Variants in RHOJ observed in about 807,000 individuals in gnomAD.
RHOJ encodes the protein ras homolog family member J, also known as rho-related GTP-binding protein RhoJ.
In RHOJ, 11 loss-of-function variants were observed where a neutral mutation model predicts 23.4. That is an observed-to-expected ratio of 0.47 (90% confidence interval 0.30 to 0.78). The LOEUF (loss-of-function observed/expected upper bound fraction) is 0.78, where lower values mean the gene tolerates loss of function less well. Ranked by LOEUF, RHOJ falls within the 30% of genes least tolerant of loss-of-function variation. RHOJ has a pLI of 0.08. For synonymous variants in RHOJ, 102 were observed against 102.7 expected (o/e 0.99, Z 0.04); for missense variants, 254 against 273.4 (o/e 0.93, Z 0.50).
intron 1 of RHOJ, among the ~76,000 whole-genome samples, chr14:63,253,072 A>C (rs544416407): frequency 2.0e-5 from 3 of 152,194 alleles, no homozygotes; most frequent in Non-Finnish European, 4.4e-5. Context: ...TGTTTATATC[A>C]CTTGCCTATT....
At chr14:63,286,967 G>C (rs1180052550) in intron 4 of RHOJ, among the ~76,000 whole-genome samples, 2 of 151,914 alleles carry the variant, frequency 1.3e-5, no homozygotes, top group African/African-American at 4.8e-5. Context: ...CTCTCTATTT[G>C]CCTTCTCTGT....
At chr14:63,220,382 C>T (rs1566606945) in intron 1 of RHOJ, among the ~76,000 whole-genome samples, 2 of 149,822 alleles carry the variant, frequency 1.3e-5, no homozygotes, top group Non-Finnish European at 3.0e-5. Context: ...AAAATCTGTA[C>T]AATAAACCCC....
At chr14:63,255,283 G>T (rs929618541) in intron 1 of RHOJ, among the ~76,000 whole-genome samples, 1 of 152,120 alleles carries the variant, frequency 6.6e-6, no homozygotes. Flanking sequence ...TAGTGATGGG[G>T]CAAGGATGAG....
At chr14:63,222,139 A>G (rs1281886277) in intron 1 of RHOJ, among the ~76,000 whole-genome samples, 2 of 151,844 alleles carry the variant, frequency 1.3e-5, no homozygotes, top group Admixed American at 1.3e-4. Flanking sequence ...CCATGTCCCT[A>G]CAAAGGACAT....
chr14:63,229,903 G>A (rs917608596), intron 1 of RHOJ, among the ~76,000 whole-genome samples: 4 of 152,134 alleles, frequency 2.6e-5, no homozygotes, highest in African/African-American at 9.7e-5. Flanking sequence ...CCACCATACC[G>A]TGTTGGCTCT....
At chr14:63,230,893 T>C (rs1260244763) in intron 1 of RHOJ, among the ~76,000 whole-genome samples, 1 of 139,370 alleles carries the variant, frequency 7.2e-6, no homozygotes, top group African/African-American at 2.9e-5. Flanking sequence ...CAGGCTGGAG[T>C]GCAGTGGTGT....
At chr14:63,206,871 C>T (rs1417813275) in intron 1 of RHOJ, among the ~76,000 whole-genome samples, 1 of 152,174 alleles carries the variant, frequency 6.6e-6, no homozygotes, top group Admixed American at 6.5e-5. Flanking sequence ...CAATACTTTG[C>T]ACATAGTAAG....
chr14:63,258,825 G>A (rs1460996926), intron 1 of RHOJ, among the ~76,000 whole-genome samples: 1 of 152,246 alleles, frequency 6.6e-6, no homozygotes, highest in Non-Finnish European at 1.5e-5. Flanking sequence ...TTTCAGGTGA[G>A]ATCAGAATGG....
chr14:63,224,760 C>T (rs1222757613), intron 1 of RHOJ, among the ~76,000 whole-genome samples: 2 of 151,980 alleles, frequency 1.3e-5, no homozygotes, highest in African/African-American at 4.8e-5. Flanking sequence ...TGTTTCTTTC[C>T]TGATTCCCCT....
intron 1 of RHOJ, among the ~76,000 whole-genome samples, chr14:63,223,017 C>T (rs1894526966): frequency 6.6e-6 from 1 of 152,202 alleles, no homozygotes; most frequent in Non-Finnish European, 1.5e-5. Flanking sequence ...TCTCAACTCA[C>T]CTATCATTGA....
chr14:63,291,015 A>G lies in RHOJ; in HGVS notation c.636A>G (p.Ser212=). The change falls in exon 5 of 5, where the codon TCA becomes TCG. Residue 212 remains serine, a synonymous_variant. Transcript: ENST00000316754. ...GTTCTGAGGGTCACAGCTGCTGTTCAATTATCTGAGGTTGTCTGGGACCTG... is the reference window on the plus strand; with the variant it reads ...GTTCTGAGGGTCACAGCTGCTGTTCGATTATCTGAGGTTGTCTGGGACCTG... The part of the protein sequence containing the change: ...KRCSEGHSCC[S]II 1.9e-6 allele frequency: 3 copies of G among 1,614,138 alleles called. No individual in the cohort carries two copies. Among genetic ancestry groups the G allele is most frequent in the Non-Finnish European group, 2.5e-6 (3 of 1,180,028 alleles).
intron 1 of RHOJ, among the ~76,000 whole-genome samples, chr14:63,221,026 G>A (rs1053471620): frequency 4.6e-5 from 7 of 152,010 alleles, no homozygotes; most frequent in Admixed American, 2.6e-4. Context: ...CTACAGAGAC[G>A]CCCTCTAAAA....
At chr14:63,271,079 T>A (rs1442907635) in intron 2 of RHOJ, among the ~76,000 whole-genome samples, 1 of 152,182 alleles carries the variant, frequency 6.6e-6, no homozygotes, top group Non-Finnish European at 1.5e-5. Context: ...ATCTTTAAAC[T>A]CCACATCAAA....
chr14:63,217,971 T>C (rs1218020976), intron 1 of RHOJ, among the ~76,000 whole-genome samples: 5 of 152,076 alleles, frequency 3.3e-5, no homozygotes, highest in African/African-American at 1.2e-4. Flanking sequence ...TCTTTTTCTT[T>C]TTTCCCCTTT....
At chr14:63,209,515 A>C (rs560974980) in intron 1 of RHOJ, among the ~76,000 whole-genome samples, 6 of 152,108 alleles carry the variant, frequency 3.9e-5, no homozygotes, top group Non-Finnish European at 5.9e-5. Context: ...GCTTCAATTG[A>C]CCACATTATT....
At chr14:63,255,429 T>C (rs1216448957) in intron 1 of RHOJ, among the ~76,000 whole-genome samples, 2 of 152,176 alleles carry the variant, frequency 1.3e-5, no homozygotes, top group Non-Finnish European at 2.9e-5. Context: ...GAGCCTTGTC[T>C]CTTGAAGTGG....
At chr14:63,209,756 C>T (rs192760054) in intron 1 of RHOJ, among the ~76,000 whole-genome samples, 16 of 152,104 alleles carry the variant, frequency 1.1e-4, no homozygotes, top group Non-Finnish European at 2.2e-4. Flanking sequence ...CCTTCCAACA[C>T]TTAGATAGTT....
chr14:63,249,493 G>A (rs566804742), intron 1 of RHOJ, among the ~76,000 whole-genome samples: 1 of 152,188 alleles, frequency 6.6e-6, no homozygotes, highest in African/African-American at 2.4e-5. Context: ...TGAAGTTCAG[G>A]GTCTCAGATA....
chr14:63,269,033 G>A, intron 1 of RHOJ, 77 bp from the exon 2 acceptor site: 4 of 1,011,540 alleles, frequency 4.0e-6, no homozygotes, highest in Non-Finnish European at 6.2e-6. Flanking sequence ...ATGCTGGCAT[G>A]GAAACAATGT....
Sources: gnomAD v4.1 joint callset for allele counts (sites outside exome capture counted in the v4.1 genomes callset) on GRCh38, gnomAD v4.1.1 for gene constraint, MANE v1.5 for transcripts, NCBI Gene and HGNC (gene_info 2026-07-23, HGNC 2026-07-21) for gene names.